GNA12: variants seen among roughly 807,000 people sequenced by gnomAD.
The protein encoded by GNA12 is guanine nucleotide-binding protein subunit alpha-12.
GNA12 carries 9 observed loss-of-function variants against 26.0 expected under a neutral mutation model. That is an observed-to-expected ratio of 0.35 (90% CI 0.21 to 0.60). GNA12 has a LOEUF of 0.60. Ranked by LOEUF, GNA12 falls within the 20% of genes least tolerant of loss-of-function variation. The pLI, the probability that GNA12 is intolerant of heterozygous loss-of-function variation, is 0.78. For missense variants in GNA12, 405 were observed against 525.8 expected (o/e 0.77, Z 2.25); for synonymous variants, 264 against 219.6 (o/e 1.20, Z -1.79).
intron 2 of GNA12, among the ~76,000 whole-genome samples, chr7:2,766,122 TC>T (rs1335164195): frequency 6.6e-6 from 1 of 152,036 alleles, no homozygotes; most frequent in South Asian, 2.1e-4. Flanking sequence ...AACTCCCATT[TC>T]CCCCCATCTG....
chr7:2,807,539 CAG>C (rs1792978208), intron 1 of GNA12, among the ~76,000 whole-genome samples: 1 of 149,374 alleles, frequency 6.7e-6, no homozygotes, highest in Non-Finnish European at 1.5e-5. Context: ...TCTCCATAAA[CAG>C]AAATCTCTTT....
intron 1 of GNA12, among the ~76,000 whole-genome samples, chr7:2,816,899 G>A (rs2527692): frequency 0.4 from 60,422 of 152,018 alleles, 12,305 homozygotes; most frequent in Admixed American, 0.46. Context: ...ACTTCTTACC[G>A]CCTCCTCTGC....
chr7:2,828,599 C>G (rs546302270), intron 1 of GNA12, among the ~76,000 whole-genome samples: 2 of 152,326 alleles, frequency 1.3e-5, no homozygotes, highest in East Asian at 3.9e-4. Context: ...GTGGCTGCCC[C>G]CAAGTCCTCT....
chr7:2,770,219 C>T (rs2115419676), intron 2 of GNA12, among the ~76,000 whole-genome samples: 1 of 152,336 alleles, frequency 6.6e-6, no homozygotes, highest in African/African-American at 2.4e-5. Flanking sequence ...ATATGCCCCA[C>T]TTGCCCTGGA....
At chr7:2,746,228 C>A (rs1246394326) in intron 2 of GNA12, among the ~76,000 whole-genome samples, 1 of 152,196 alleles carries the variant, frequency 6.6e-6, no homozygotes, top group Non-Finnish European at 1.5e-5. Flanking sequence ...TTCTTTTCAG[C>A]ACCACACCAC....
chr7:2,732,221 C>T (rs1789932817), intron 3 of GNA12, among the ~76,000 whole-genome samples: 1 of 152,166 alleles, frequency 6.6e-6, no homozygotes, highest in Non-Finnish European at 1.5e-5. Flanking sequence ...GACACACAGG[C>T]AAGCATACTC....
chr7:2,834,246 G>A (rs1433638521), intron 1 of GNA12, among the ~76,000 whole-genome samples: 1 of 152,218 alleles, frequency 6.6e-6, no homozygotes, highest in Non-Finnish European at 1.5e-5. Flanking sequence ...GCATTAAGAT[G>A]GTTCTCATTT....
rs1443388958 is a variant in GNA12, at chr7:2,728,373, CTTAT to C, written c.*2804_*2807del. 4.6e-5 allele frequency: 7 copies of C among 151,926 alleles called. No homozygotes were observed. The allele number at this position is 151,926 out of a possible 1,614,324, so 9.4% of individuals were successfully genotyped here. On this transcript the variant is annotated 3_prime_UTR_variant, in exon 4 of 4. Transcript: ENST00000275364. ...TTCAATCTTGGAGTTAACAATCTGA[CTTAT>C]TTTTCTTTTATCAAAGAAGTAGGAA...
At chr7:2,841,386 C>CT (rs1306952711) in intron 1 of GNA12, among the ~76,000 whole-genome samples, 5 of 152,292 alleles carry the variant, frequency 3.3e-5, no homozygotes, top group African/African-American at 1.2e-4. Flanking sequence ...AACTGCTATA[C>CT]TTTTATGCCT....
intron 1 of GNA12, among the ~76,000 whole-genome samples, chr7:2,809,107 G>T (rs548146814): frequency 1.3e-5 from 2 of 152,134 alleles, no homozygotes; most frequent in African/African-American, 4.8e-5. Flanking sequence ...TTACTTCCTT[G>T]ACCACTTCCG....
At chr7:2,806,291 C>A (rs142234795) in intron 1 of GNA12, among the ~76,000 whole-genome samples, 25,477 of 151,724 alleles carry the variant, frequency 0.17, 2,195 homozygotes, top group Non-Finnish European at 0.2. Context: ...CCAGCCTGGC[C>A]AACATGGTGA....
Position 2,751,115 on chromosome 7 carries a change from C to T in GNA12, c.526-17614G>A, listed in dbSNP as rs1367370638. Reference sequence around the variant, plus strand: ...TACATGCTTATATTAGGGCCGGGCCCGGGGGCACACACTTGTAACCCCAGC... The same window carrying T: ...TACATGCTTATATTAGGGCCGGGCCTGGGGGCACACACTTGTAACCCCAGC... On this transcript the variant is annotated intron_variant, in intron 2 of 3. Coordinates refer to ENST00000275364, the MANE Select transcript of GNA12 (RefSeq NM_007353.3). 3.9e-5 allele frequency among the ~76,000 whole-genome samples: 6 copies of T among 152,068 alleles called. 1 individual carries two copies. Among genetic ancestry groups the T allele is most frequent in the Non-Finnish European group, 7.4e-5 (5 of 68,018 alleles).
Position 2,761,426 on chromosome 7 carries a change from T to A in GNA12, c.526-27925A>T, listed in dbSNP as rs568996736. The stretch of plus-strand genomic sequence containing the variant: ...AGACTCCCAAGGACGGCTGACTTCA[T>A]GGCAGAATTTGAGATATTTCAGAAG... On this transcript the variant is annotated intron_variant, in intron 2 of 3. Transcript: ENST00000275364. 5.9e-5 allele frequency among the ~76,000 whole-genome samples: 9 copies of A among 152,350 alleles called. No homozygotes were observed. The South Asian group carries it at 1.9e-3, about 32-fold the overall frequency.
intron 2 of GNA12, among the ~76,000 whole-genome samples, chr7:2,773,989 G>A (rs1053787541): frequency 6.6e-6 from 1 of 152,192 alleles, no homozygotes; most frequent in Non-Finnish European, 1.5e-5. Flanking sequence ...AAATGGCGAC[G>A]AGAAGGAGCC....
At chr7:2,833,384 A>C (rs761159016) in intron 1 of GNA12, among the ~76,000 whole-genome samples, 3 of 152,240 alleles carry the variant, frequency 2.0e-5, no homozygotes, top group Non-Finnish European at 4.4e-5. Flanking sequence ...TCAACTGAGT[A>C]AGAACAGAAA....
chr7:2,762,466 T>C (rs753107152), intron 2 of GNA12: 6 of 623,818 alleles, frequency 9.6e-6, no homozygotes, highest in Admixed American at 4.0e-5. Context: ...GTCCAGCCTC[T>C]GAACCCACCC....
At chr7:2,833,543 A>G (rs1369941716) in intron 1 of GNA12, among the ~76,000 whole-genome samples, 1 of 152,212 alleles carries the variant, frequency 6.6e-6, no homozygotes, top group Non-Finnish European at 1.5e-5. Flanking sequence ...CCAGGGGACA[A>G]GACCAATCAC....
rs532064031 is a variant in GNA12 at position 2,775,968 on chromosome 7, C to T, written c.525+18960G>A. On this transcript the variant is annotated intron_variant, in intron 2 of 3. Coordinates refer to ENST00000275364, the MANE Select transcript of GNA12 (RefSeq NM_007353.3). ...TGCCAGCTGGAGAGACAGAAACTGC[C>T]GGTGGCTATGGGGCAGCTCCCCTGG... 3.9e-5 allele frequency among the ~76,000 whole-genome samples: 6 copies of T among 152,370 alleles called. No individual in the cohort carries two copies. The East Asian group carries it at 5.8e-4, about 15-fold the overall frequency.
chr7:2,762,911 G>A lies in GNA12; in HGVS notation c.526-29410C>T, dbSNP rs1048272620. The A allele has an allele frequency of 7.1e-6, 10 of 1,415,768 alleles. No individual in the cohort carries two copies. In the Admixed American group the frequency reaches 9.3e-5, roughly 13 times the overall value. 87.7% of individuals were successfully genotyped at this position (1,415,768 alleles called of 1,614,324 possible). On this transcript the variant is annotated intron_variant, in intron 2 of 3. Coordinates refer to ENST00000275364, the MANE Select transcript of GNA12 (RefSeq NM_007353.3). The stretch of plus-strand genomic sequence containing the variant: ...CATTGGTGCTGCGGCGGGGAGAAGA[G>A]GCCACAGGCGGGGACGCCCCAGACA...
Sources: allele counts gnomAD v4.1 joint callset (sites outside exome capture counted in the v4.1 genomes callset), GRCh38; gene constraint gnomAD v4.1.1; transcripts MANE v1.5; gene names NCBI Gene and HGNC (gene_info 2026-07-23, HGNC 2026-07-21).